BMP6: variants seen among roughly 807,000 people sequenced by gnomAD.
BMP6 encodes bone morphogenetic protein 6, also known as VG-1-R.
BMP6 carries 17 observed loss-of-function variants against 54.1 expected under a neutral mutation model. That is an observed-to-expected ratio of 0.31 (90% CI 0.22 to 0.47). BMP6 has a LOEUF of 0.47. BMP6 is among the 20% of genes least tolerant of loss of function. The pLI is 1.00. For synonymous variants in BMP6, 328 were observed against 291.2 expected, an observed-to-expected ratio of 1.13 and a Z score of -1.28; for missense variants, 720 against 690.4, an observed-to-expected ratio of 1.04 and a Z score of -0.48.
chr6:7,813,149 A>ATATATATATATAT (rs1333428977), intron 1 of BMP6, among the ~76,000 whole-genome samples: 25 of 107,838 alleles, frequency 2.3e-4, no homozygotes, highest in South Asian at 3.3e-4. Flanking sequence ...ATATATATAT[A>ATATATATATATAT]AAATTAGTGG....
chr6:7,861,532 T>C lies in BMP6; in HGVS notation c.939T>C (p.Thr313=). 1 of 1,614,198 alleles carries C rather than the reference T, an allele frequency of 6.2e-7. No individual in the cohort carries two copies. The highest frequency in any genetic ancestry group is 8.5e-7 in the Non-Finnish European group (1 of 1,180,018). ...GGCTGGAATTTGACATCACGGCCAC[T>C]AGCAATCTGTGGGTTGTGACTCCAC... ...EGWLEFDITA[T]SNLWVVTPQH... The change falls in exon 3 of 7, where the codon ACT becomes ACC. Residue 313 remains threonine, a synonymous_variant. Transcript: ENST00000283147.
intron 1 of BMP6, among the ~76,000 whole-genome samples, chr6:7,830,000 A>G (rs570860755): frequency 3.9e-5 from 6 of 152,316 alleles, no homozygotes; most frequent in African/African-American, 1.2e-4. Flanking sequence ...AAAAAGAGAC[A>G]TTGCTGCCTT....
intron 1 of BMP6, among the ~76,000 whole-genome samples, chr6:7,769,125 C>T (rs1757743943): frequency 6.6e-6 from 1 of 152,154 alleles, no homozygotes; most frequent in Admixed American, 6.5e-5. Flanking sequence ...AAACAAAACC[C>T]AAAGCAAAAA....
At chr6:7,767,401 T>C (rs547067118) in intron 1 of BMP6, among the ~76,000 whole-genome samples, 89 of 152,320 alleles carry the variant, frequency 5.8e-4, no homozygotes, top group African/African-American at 2.0e-3. Flanking sequence ...TTGGTCTCTT[T>C]GAGTTTCTTT....
chr6:7,779,189 C>T (rs1757903718), intron 1 of BMP6, among the ~76,000 whole-genome samples: 1 of 152,172 alleles, frequency 6.6e-6, no homozygotes, highest in Non-Finnish European at 1.5e-5. Flanking sequence ...GTGGTGGGTG[C>T]CCAAGAAATC....
chr6:7,730,676 A>AG (rs1245576756), intron 1 of BMP6, among the ~76,000 whole-genome samples: 1 of 152,212 alleles, frequency 6.6e-6, no homozygotes, highest in Non-Finnish European at 1.5e-5. Context: ...GAACATAGGA[A>AG]GGACAGTTCA....
chr6:7,853,881 T>TA (rs1178562584), intron 2 of BMP6, among the ~76,000 whole-genome samples: 2 of 148,526 alleles, frequency 1.3e-5, no homozygotes, highest in African/African-American at 5.1e-5. Context: ...GCATATGACT[T>TA]ATACCTAGAA....
At chr6:7,780,824 G>T (rs192735836) in intron 1 of BMP6, among the ~76,000 whole-genome samples, 2 of 96,728 alleles carry the variant, frequency 2.1e-5, no homozygotes, top group African/African-American at 7.9e-5. Context: ...CATCCTCCCC[G>T]TTCAGCCTCC....
At chr6:7,773,020 G>A (rs1001680285) in intron 1 of BMP6, among the ~76,000 whole-genome samples, 4 of 152,126 alleles carry the variant, frequency 2.6e-5, no homozygotes. Flanking sequence ...TATTTCCAGA[G>A]TCTTGGAGGG....
intron 5 of BMP6, 102 bp downstream of exon 5, chr6:7,879,252 T>C: frequency 8.1e-7 from 1 of 1,233,488 alleles, no homozygotes; most frequent in East Asian, 2.3e-5. Flanking sequence ...GATTGAAGGC[T>C]GAGCTGCTTC....
Position 7,726,193 on chromosome 6 carries a change from G to T in BMP6, c.-763G>T, listed in dbSNP as rs1761718004. Among the ~76,000 whole-genome samples the T allele has an allele frequency of 6.6e-6, 1 of 152,130 alleles. No individual in the cohort carries two copies. Among genetic ancestry groups the T allele is most frequent in the South Asian group, 2.1e-4 (1 of 4,832 alleles). On this transcript the variant is annotated 5_prime_UTR_variant, in exon 1 of 7. Transcript: ENST00000283147. ...GCCGCGGCCGCTGCTCGGTGCACTA[G>T]CCCCCTTCCTTCCCATCCTTTCTGC... is the stretch of plus-strand genomic sequence containing the variant.
At chr6:7,772,051 CA>C (rs68086058) in intron 1 of BMP6, among the ~76,000 whole-genome samples, 3 of 141,306 alleles carry the variant, frequency 2.1e-5, no homozygotes, top group Admixed American at 7.0e-5. Context: ...AAGCCTGCCT[CA>C]AAAAAAAAAA....
chr6:7,797,503 A>G (rs1271387940), intron 1 of BMP6, among the ~76,000 whole-genome samples: 2 of 152,252 alleles, frequency 1.3e-5, no homozygotes, highest in Non-Finnish European at 2.9e-5. Flanking sequence ...CTTATAAATT[A>G]TACCAATGTG....
intron 1 of BMP6, among the ~76,000 whole-genome samples, chr6:7,836,396 T>A (rs981671968): frequency 6.6e-6 from 1 of 152,172 alleles, no homozygotes; most frequent in African/African-American, 2.4e-5. Flanking sequence ...GTAACATGGA[T>A]CTATACATGT....
At chr6:7,821,229 C>T (rs1758606403) in intron 1 of BMP6, among the ~76,000 whole-genome samples, 1 of 152,236 alleles carries the variant, frequency 6.6e-6, no homozygotes, top group Non-Finnish European at 1.5e-5. Context: ...CAGTTTGACC[C>T]AAGAACTGTG....
At chr6:7,748,636 G>A (rs969612738) in intron 1 of BMP6, among the ~76,000 whole-genome samples, 7 of 152,186 alleles carry the variant, frequency 4.6e-5, no homozygotes, top group African/African-American at 9.7e-5. Context: ...CAAATACCCC[G>A]TGAATAAGCT....
chr6:7,874,928 G>GATAT (rs58104001), intron 4 of BMP6, among the ~76,000 whole-genome samples: 142 of 151,556 alleles, frequency 9.4e-4, no homozygotes, highest in East Asian at 1.4e-3. Flanking sequence ...GATATATGGA[G>GATAT]ATATATATAT....
chr6:7,844,034 A>AT (rs1759019573), intron 1 of BMP6, among the ~76,000 whole-genome samples: 2 of 151,760 alleles, frequency 1.3e-5, no homozygotes, highest in Non-Finnish European at 2.9e-5. Context: ...ACACGGCTTT[A>AT]TTTTTTTTGT....
At chr6:7,750,008 C>T (rs925531756) in intron 1 of BMP6, among the ~76,000 whole-genome samples, 3 of 152,054 alleles carry the variant, frequency 2.0e-5, no homozygotes, top group Admixed American at 2.0e-4. Context: ...GAGTATAGAA[C>T]GGGTGGAAAC....
Sources: gnomAD v4.1 joint callset for allele counts (sites outside exome capture counted in the v4.1 genomes callset) on GRCh38, gnomAD v4.1.1 for gene constraint, MANE v1.5 for transcripts, NCBI Gene and HGNC (gene_info 2026-07-23, HGNC 2026-07-21) for gene names.